The following DRC11 variants were observed in gnomAD, a reference collection of about 807,000 sequenced individuals.
DRC11 encodes IQ and AAA domain-containing protein 1.
the DRC11 span, among the ~76,000 whole-genome samples, chr2:236,445,417 C>T: frequency 6.6e-5 from 10 of 152,150 alleles, no homozygotes; most frequent in East Asian, 1.7e-3. The surrounding 1 kb of genome is among the most constrained non-coding windows in gnomAD (Gnocchi z 4.8). Flanking sequence ...ACTGCAACCT[C>T]TGCCTTCTGG....
the DRC11 span, among the ~76,000 whole-genome samples, chr2:236,414,164 C>A: frequency 1.3e-5 from 2 of 151,906 alleles, no homozygotes; most frequent in Non-Finnish European, 2.9e-5. Context: ...AATATTTTCT[C>A]CCATCCATAG....
chr2:236,402,944 T>A, the DRC11 span, among the ~76,000 whole-genome samples: 21 of 152,362 alleles, frequency 1.4e-4, no homozygotes, highest in African/African-American at 4.8e-4. The surrounding 1 kb of genome is among the most constrained non-coding windows in gnomAD (Gnocchi z 6.0). Context: ...CATCTGTCTG[T>A]CTGTCTGTCT....
At chr2:236,497,881 G>A in the DRC11 span, among the ~76,000 whole-genome samples, 1 of 152,126 alleles carries the variant, frequency 6.6e-6, no homozygotes, top group African/African-American at 2.4e-5. The surrounding 1 kb of genome is among the most constrained non-coding windows in gnomAD (Gnocchi z 5.1). Flanking sequence ...AAGTAATGTA[G>A]CATTTTCTTA....
At chr2:236,355,538 T>C in the DRC11 span, among the ~76,000 whole-genome samples, 2 of 152,178 alleles carry the variant, frequency 1.3e-5, no homozygotes, top group African/African-American at 4.8e-5. Context: ...ACCGTGTCCA[T>C]ACCCGAGGCT....
At chr2:236,318,790 AC>A in the DRC11 span, among the ~76,000 whole-genome samples, 1 of 152,104 alleles carries the variant, frequency 6.6e-6, no homozygotes, top group African/African-American at 2.4e-5. This position sits in a 1 kb window ranked among gnomAD's most constrained non-coding sequence, Gnocchi z 7.0. Flanking sequence ...ACCCAAGGTC[AC>A]TCAGAAGGTT....
chr2:236,414,144 ATAGT>A, the DRC11 span, among the ~76,000 whole-genome samples: 1 of 152,114 alleles, frequency 6.6e-6, no homozygotes, highest in African/African-American at 2.4e-5. Context: ...TTTCAGATAG[ATAGT>A]TTGCAAATAT....
At chr2:236,328,522 C>T in the DRC11 span, among the ~76,000 whole-genome samples, 1 of 152,074 alleles carries the variant, frequency 6.6e-6, no homozygotes, top group Admixed American at 6.5e-5. The surrounding 1 kb of genome is among the most constrained non-coding windows in gnomAD (Gnocchi z 6.7). Flanking sequence ...GCAGTTCCAG[C>T]ATTCTGTCTC....
At chr2:236,455,283 C>T in the DRC11 span, among the ~76,000 whole-genome samples, 1 of 152,218 alleles carries the variant, frequency 6.6e-6, no homozygotes, top group Non-Finnish European at 1.5e-5. This position sits in a 1 kb window ranked among gnomAD's most constrained non-coding sequence, Gnocchi z 5.7. Context: ...ATTCCAGCCT[C>T]GCCTATTATG....
At chr2:236,409,759 C>T in the DRC11 span, among the ~76,000 whole-genome samples, 3,305 of 150,056 alleles carry the variant, frequency 0.022, 144 homozygotes, top group African/African-American at 0.077. Context: ...CATAGATAGC[C>T]CTTATTATTT....
chr2:236,416,022 A>G, the DRC11 span, among the ~76,000 whole-genome samples: 6 of 152,082 alleles, frequency 3.9e-5, no homozygotes, highest in African/African-American at 7.2e-5. Flanking sequence ...CTTCTGGGGT[A>G]TAGGCAGAAC....
At chr2:236,480,775 A>G in the DRC11 span, among the ~76,000 whole-genome samples, 1 of 151,974 alleles carries the variant, frequency 6.6e-6, no homozygotes, top group Non-Finnish European at 1.5e-5. Context: ...GTTTGCTGTT[A>G]TTTCTTGTTG....
the DRC11 span, among the ~76,000 whole-genome samples, chr2:236,357,288 ATATAT>A: frequency 2.8e-5 from 3 of 106,608 alleles, no homozygotes; most frequent in Non-Finnish European, 3.5e-5. Flanking sequence ...TTATATATTT[ATATAT>A]TATATATTCA....
At chr2:236,441,496 G>T in the DRC11 span, among the ~76,000 whole-genome samples, 9 of 151,980 alleles carry the variant, frequency 5.9e-5, no homozygotes, top group Admixed American at 5.2e-4. Flanking sequence ...ACGAAGGATG[G>T]AGTTGTGGAA....
At chr2:236,389,349 G>C in the DRC11 span, among the ~76,000 whole-genome samples, 2 of 152,200 alleles carry the variant, frequency 1.3e-5, no homozygotes, top group East Asian at 1.9e-4. Flanking sequence ...GCCAGGTGCC[G>C]GATATAATCT....
the DRC11 span, among the ~76,000 whole-genome samples, chr2:236,395,341 T>C: frequency 6.6e-6 from 1 of 152,208 alleles, no homozygotes; most frequent in Non-Finnish European, 1.5e-5. Context: ...TCTTTACACA[T>C]AATCCTTTCC....
chr2:236,497,097 A>G, the DRC11 span: 2 of 1,230,062 alleles, frequency 1.6e-6, no homozygotes, highest in East Asian at 2.5e-5. The surrounding 1 kb of genome is among the most constrained non-coding windows in gnomAD (Gnocchi z 5.1). Flanking sequence ...TCGTGTACAG[A>G]TATCGGGTAC....
chr2:236,330,191 A>AT, the DRC11 span, among the ~76,000 whole-genome samples: 26 of 151,718 alleles, frequency 1.7e-4, no homozygotes, highest in African/African-American at 4.8e-4. The surrounding 1 kb of genome is among the most constrained non-coding windows in gnomAD (Gnocchi z 5.5). Flanking sequence ...CTAGAGTTAC[A>AT]TTTTTTTTTC....
the DRC11 span, among the ~76,000 whole-genome samples, chr2:236,453,785 G>A: frequency 6.6e-6 from 1 of 152,042 alleles, no homozygotes. The surrounding 1 kb of genome is among the most constrained non-coding windows in gnomAD (Gnocchi z 4.9). Context: ...GATTACAGGT[G>A]CCTGCCACCA....
the DRC11 span, among the ~76,000 whole-genome samples, chr2:236,404,986 C>A: frequency 1.3e-5 from 2 of 152,150 alleles, no homozygotes; most frequent in Non-Finnish European, 2.9e-5. Context: ...GGGTCTCTTT[C>A]ACAAAGGCAC....
Sources: gnomAD v4.1 joint callset for allele counts (sites outside exome capture counted in the v4.1 genomes callset) on GRCh38, gnomAD v4.1.1 for gene constraint, Gnocchi (gnomAD v3.1) non-coding constraint, MANE v1.5 for transcripts, NCBI Gene and HGNC (gene_info 2026-07-23, HGNC 2026-07-21) for gene names.